The following ATP13A4 variants were observed in gnomAD, a reference collection of about 807,000 sequenced individuals.
ATP13A4 encodes the protein probable cation-transporting ATPase 13A4.
Under a neutral mutation model 142.5 loss-of-function variants are expected in ATP13A4, and 114 were observed. That is an observed-to-expected ratio of 0.80 (90% CI 0.69 to 0.93). The LOEUF (loss-of-function observed/expected upper bound fraction) is 0.93, where lower values mean the gene tolerates loss of function less well. Ranked by LOEUF, ATP13A4 falls within the 40% of genes least tolerant of loss-of-function variation. The pLI, the probability that ATP13A4 is intolerant of heterozygous loss-of-function variation, is 0.00. For missense variants in ATP13A4, 1,392 were observed against 1,454.0 expected, an observed-to-expected ratio of 0.96 and a Z score of 0.69; for synonymous variants, 488 against 514.8, an observed-to-expected ratio of 0.95 and a Z score of 0.70.
At chr3:193,545,973 T>TG (rs1723198630) in intron 1 of ATP13A4, among the ~76,000 whole-genome samples, 1 of 143,352 alleles carries the variant, frequency 7.0e-6, no homozygotes, top group Admixed American at 7.1e-5. Context: ...AATGTTTAAA[T>TG]TGTGTGTGTG....
chr3:193,536,943 G>A (rs886145324), intron 1 of ATP13A4, among the ~76,000 whole-genome samples: 4 of 151,942 alleles, frequency 2.6e-5, no homozygotes, highest in African/African-American at 9.7e-5. Context: ...AAAGGCTTAT[G>A]AGAAAAATGA....
intron 25 of ATP13A4, among the ~76,000 whole-genome samples, chr3:193,429,069 G>T (rs1488840917): frequency 3.3e-5 from 5 of 151,980 alleles, no homozygotes; most frequent in African/African-American, 1.2e-4. Flanking sequence ...ACTATTATTA[G>T]TCATTAGAGA....
At chr3:193,495,788 C>T (rs772712778) in intron 3 of ATP13A4, among the ~76,000 whole-genome samples, 50 of 152,114 alleles carry the variant, frequency 3.3e-4, no homozygotes, top group Middle Eastern at 3.4e-3. Context: ...ACTTAAATTG[C>T]CCCTTTTTGC....
At chr3:193,409,256 T>C (rs1714651447) in intron 28 of ATP13A4, among the ~76,000 whole-genome samples, 1 of 152,360 alleles carries the variant, frequency 6.6e-6, no homozygotes, top group East Asian at 1.9e-4. Flanking sequence ...ATTTATAGTA[T>C]ATGAATTGTA....
chr3:193,572,654 A>AGT (rs1486607008), intron 2 of ATP13A4, among the ~76,000 whole-genome samples: 1 of 152,138 alleles, frequency 6.6e-6, no homozygotes, highest in Non-Finnish European at 1.5e-5. Context: ...TCTGGACAAG[A>AGT]GTGGAGACAT....
intron 1 of ATP13A4, among the ~76,000 whole-genome samples, chr3:193,536,217 T>C (rs1722585576): frequency 6.6e-6 from 1 of 152,054 alleles, no homozygotes; most frequent in Admixed American, 6.6e-5. Context: ...CCCTCAGGAA[T>C]AGAGAAGCAA....
Position 193,399,648 on chromosome 3 carries a change from A to G in ATP13A4, c.*3004T>C, listed in dbSNP as rs1447216707. The stretch of plus-strand genomic sequence containing the variant: ...CGGATCACGAGGTCAGGAGATTGAA[A>G]CCACCCTGGCTAACATGATGAAACC... On this transcript the variant is annotated 3_prime_UTR_variant, in exon 30 of 30. Transcript: ENST00000342695. Among the ~76,000 whole-genome samples the G allele has an allele frequency of 2.0e-5, 3 of 151,990 alleles. No homozygotes were observed. The highest frequency in any genetic ancestry group is 4.4e-5 in the Non-Finnish European group (3 of 68,006).
At chr3:193,472,172 T>G (rs951268370) in intron 8 of ATP13A4, among the ~76,000 whole-genome samples, 1 of 152,250 alleles carries the variant, frequency 6.6e-6, no homozygotes, top group African/African-American at 2.4e-5. Context: ...TGGTTTCGGT[T>G]ACCTGCAGTC....
At chr3:193,537,702 T>C (rs1007586845) in intron 1 of ATP13A4, among the ~76,000 whole-genome samples, 10 of 152,250 alleles carry the variant, frequency 6.6e-5, no homozygotes, top group African/African-American at 2.4e-4. Context: ...TGGAAACAGC[T>C]GAGAAGATGT....
chr3:193,536,373 C>T (rs1455772812), intron 1 of ATP13A4, among the ~76,000 whole-genome samples: 2 of 151,986 alleles, frequency 1.3e-5, no homozygotes, highest in Non-Finnish European at 2.9e-5. Flanking sequence ...TTTAGCAGAC[C>T]ACCATGTTAA....
intron 1 of ATP13A4, among the ~76,000 whole-genome samples, chr3:193,520,695 A>T (rs1352818955): frequency 6.6e-6 from 1 of 152,188 alleles, no homozygotes; most frequent in East Asian, 1.9e-4. Context: ...TTGCAAAAAA[A>T]AATTATTATT....
At chr3:193,474,018 T>G (rs1042283424) in intron 8 of ATP13A4, among the ~76,000 whole-genome samples, 16 of 152,058 alleles carry the variant, frequency 1.1e-4, no homozygotes, top group African/African-American at 3.9e-4. Context: ...TGTCTTTGTC[T>G]TTCAGAAATA....
intron 1 of ATP13A4, among the ~76,000 whole-genome samples, chr3:193,545,088 T>G (rs1384475581): frequency 6.6e-6 from 1 of 152,196 alleles, no homozygotes; most frequent in East Asian, 1.9e-4. Flanking sequence ...AATATAAACA[T>G]GAAATAAGAT....
chr3:193,462,153 C>T (rs1717986059), intron 13 of ATP13A4, among the ~76,000 whole-genome samples: 2 of 149,192 alleles, frequency 1.3e-5, no homozygotes, highest in Non-Finnish European at 3.0e-5. Flanking sequence ...ACCCAGGAGG[C>T]GGAGGTTGCA....
intron 1 of ATP13A4, among the ~76,000 whole-genome samples, chr3:193,534,282 G>GATTC (rs1343410413): frequency 6.6e-6 from 1 of 152,076 alleles, no homozygotes; most frequent in Admixed American, 6.6e-5. Context: ...TTTTAAATAA[G>GATTC]ATTCAGTTTC....
At chr3:193,573,306 T>TAC (rs1193066803) in intron 2 of ATP13A4, among the ~76,000 whole-genome samples, 2 of 132,044 alleles carry the variant, frequency 1.5e-5, no homozygotes, top group Non-Finnish European at 3.1e-5. Flanking sequence ...TATATATATA[T>TAC]ACATATATAT....
In ATP13A4 at chr3:193,450,811, A is replaced by G. The variant is rs1310691852; in HGVS notation, c.2028-2481T>C. Among the ~76,000 whole-genome samples, 6 of 152,220 alleles carry G rather than the reference A, an allele frequency of 3.9e-5. No homozygotes were observed. In the East Asian group the frequency reaches 1.2e-3, roughly 29 times the overall value. On this transcript the variant is annotated intron_variant, in intron 17 of 29. Transcript: ENST00000342695. ...TCTGAGCCCCCGTCCCATCTAGTGGAAGATGTGCCAGGCCATAAAGGGAGC... is the reference window on the plus strand; with the variant it reads ...TCTGAGCCCCCGTCCCATCTAGTGGGAGATGTGCCAGGCCATAAAGGGAGC...
chr3:193,465,389 T>C (rs1718215356), intron 11 of ATP13A4, among the ~76,000 whole-genome samples: 2 of 152,202 alleles, frequency 1.3e-5, no homozygotes, highest in South Asian at 2.1e-4. Flanking sequence ...GGTTTTGCCA[T>C]GTTGGCCAGG....
intron 1 of ATP13A4, among the ~76,000 whole-genome samples, chr3:193,548,318 CT>C (rs777960319): frequency 1.3e-4 from 20 of 152,116 alleles, no homozygotes; most frequent in Non-Finnish European, 2.5e-4. Flanking sequence ...GTGCCAGGTA[CT>C]GTGTTAAATT....
Sources: allele counts gnomAD v4.1 joint callset (sites outside exome capture counted in the v4.1 genomes callset), GRCh38; gene constraint gnomAD v4.1.1; transcripts MANE v1.5; gene names NCBI Gene and HGNC (gene_info 2026-07-23, HGNC 2026-07-21).